The following TEAD1 variants were observed in gnomAD, a reference collection of about 807,000 sequenced individuals.
TEAD1 encodes the protein transcriptional enhancer factor TEF-1.
TEAD1 carries 9 observed loss-of-function variants against 54.9 expected under a neutral mutation model. The observed-to-expected ratio is 0.16, with a 90% CI of 0.10 to 0.29. The LOEUF (loss-of-function observed/expected upper bound fraction) is 0.29, where lower values mean the gene tolerates loss of function less well. Among genes scored for constraint, TEAD1 ranks in the 10% least tolerant of loss-of-function variants. The probability of loss-of-function intolerance (pLI) is 1.00; values close to 1 mark genes in which losing one functional copy is unlikely to be tolerated. For synonymous variants in TEAD1, 200 were observed against 187.8 expected, an observed-to-expected ratio of 1.07 and a Z score of -0.53; for missense variants, 387 against 535.9, an observed-to-expected ratio of 0.72 and a Z score of 2.74.
In TEAD1 at chr11:12,901,960, G is replaced by A. The variant is rs538146058; in HGVS notation, c.720G>A (p.Val240=). The change falls in exon 10 of 13, where the codon GTG becomes GTA. Residue 240 remains valine (V), a synonymous_variant. Coordinates refer to ENST00000527636, the MANE Select transcript of TEAD1 (RefSeq NM_021961.6). ...TACAGTACAACAAACACCTCTTCGT[G>A]CACATTGGGCATGCCAACCATTCTT... 2.5e-6 allele frequency: 4 copies of A among 1,614,182 alleles called. No individual in the cohort carries two copies. The South Asian group carries it at 4.4e-5, about 18-fold the overall frequency.
intron 3 of TEAD1, among the ~76,000 whole-genome samples, chr11:12,858,925 C>G (rs1270082209): frequency 6.6e-6 from 1 of 152,216 alleles, no homozygotes. Context: ...GCAAACCTGT[C>G]TGGTGTTAAC....
At chr11:12,882,543 G>C (rs547342937) in intron 8 of TEAD1, among the ~76,000 whole-genome samples, 13 of 152,128 alleles carry the variant, frequency 8.5e-5, no homozygotes, top group African/African-American at 1.2e-4. Flanking sequence ...ATGCTTTCAC[G>C]TATTGCCCTG....
At chr11:12,927,391 A>G (rs181077634) in intron 11 of TEAD1, among the ~76,000 whole-genome samples, 5 of 152,270 alleles carry the variant, frequency 3.3e-5, no homozygotes, top group African/African-American at 9.6e-5. Context: ...CCACTGTTCT[A>G]TTCCACCCAC....
chr11:12,763,964 C>T (rs561778119), intron 2 of TEAD1, among the ~76,000 whole-genome samples: 25 of 152,272 alleles, frequency 1.6e-4, no homozygotes, highest in African/African-American at 5.3e-4. Context: ...TCCATATTCT[C>T]CAGTAGGAGT....
intron 5 of TEAD1, among the ~76,000 whole-genome samples, chr11:12,869,680 T>A (rs2134079074): frequency 6.6e-6 from 1 of 152,312 alleles, no homozygotes; most frequent in Middle Eastern, 3.4e-3. Context: ...TATATAAGTT[T>A]TTTTTAATGA....
At chr11:12,746,563 G>A (rs764667589) in intron 2 of TEAD1, among the ~76,000 whole-genome samples, 2 of 152,200 alleles carry the variant, frequency 1.3e-5, no homozygotes, top group South Asian at 4.1e-4. Flanking sequence ...CTGTAGTGGC[G>A]GTATTGAGTG....
intron 2 of TEAD1, among the ~76,000 whole-genome samples, chr11:12,756,444 G>A (rs887082542): frequency 6.6e-6 from 1 of 152,106 alleles, no homozygotes; most frequent in East Asian, 1.9e-4. Context: ...TTTTTCTCAG[G>A]CCACTTGTTA....
At chr11:12,698,165 G>A (rs542184527) in intron 2 of TEAD1, among the ~76,000 whole-genome samples, 41 of 152,236 alleles carry the variant, frequency 2.7e-4, no homozygotes, top group African/African-American at 8.7e-4. Context: ...TTTTCAGTCG[G>A]GTAACTCTTT....
chr11:12,887,204 C>T (rs1589960493), intron 9 of TEAD1, among the ~76,000 whole-genome samples: 1 of 149,972 alleles, frequency 6.7e-6, no homozygotes, highest in Admixed American at 6.7e-5. Flanking sequence ...TCACTCCATT[C>T]TCCTGCCTCA....
At chr11:12,930,755 C>T (rs1236924201) in intron 12 of TEAD1, among the ~76,000 whole-genome samples, 4 of 152,246 alleles carry the variant, frequency 2.6e-5, no homozygotes, top group East Asian at 3.9e-4. Context: ...TTAGTCTCAG[C>T]AGCAACATGG....
At chr11:12,931,122 T>C (rs1949004782) in intron 12 of TEAD1, among the ~76,000 whole-genome samples, 1 of 152,018 alleles carries the variant, frequency 6.6e-6, no homozygotes, top group Admixed American at 6.6e-5. Context: ...CAAAACAAAC[T>C]TAATGGGCAG....
intron 2 of TEAD1, among the ~76,000 whole-genome samples, chr11:12,741,311 A>G: frequency 6.6e-6 from 1 of 151,974 alleles, no homozygotes; most frequent in African/African-American, 2.4e-5. Context: ...CTTTCTGCTC[A>G]TAATTTTTGT....
At chr11:12,822,989 A>G (rs538854318) in intron 3 of TEAD1, among the ~76,000 whole-genome samples, 1 of 152,300 alleles carries the variant, frequency 6.6e-6, no homozygotes, top group East Asian at 1.9e-4. Context: ...TCTCAAGACA[A>G]CATTTTTAGT....
intron 8 of TEAD1, among the ~76,000 whole-genome samples, chr11:12,882,182 G>A (rs952466632): frequency 1.2e-4 from 18 of 152,222 alleles, no homozygotes; most frequent in Non-Finnish European, 2.5e-4. Flanking sequence ...TAAGAAACAG[G>A]AAGCCTCCTC....
At chr11:12,707,326 C>G (rs1943839335) in intron 2 of TEAD1, among the ~76,000 whole-genome samples, 1 of 152,028 alleles carries the variant, frequency 6.6e-6, no homozygotes, top group Non-Finnish European at 1.5e-5. Context: ...CTGCCTGCCT[C>G]TATGTGTCAA....
At chr11:12,836,289 G>A (rs559352336) in intron 3 of TEAD1, among the ~76,000 whole-genome samples, 16 of 151,922 alleles carry the variant, frequency 1.1e-4, no homozygotes, top group Non-Finnish European at 1.8e-4. Context: ...GCGTGGTGGC[G>A]GGCGCCTGTA....
intron 3 of TEAD1, among the ~76,000 whole-genome samples, chr11:12,802,554 G>GA (rs1946080942): frequency 6.6e-6 from 1 of 152,196 alleles, no homozygotes; most frequent in African/African-American, 2.4e-5. Flanking sequence ...GAAAGTGCCT[G>GA]ACTGGTGGTG....
chr11:12,873,181 A>G (rs1947788812), intron 5 of TEAD1, among the ~76,000 whole-genome samples: 1 of 152,206 alleles, frequency 6.6e-6, no homozygotes, highest in African/African-American at 2.4e-5. Context: ...AAGAAATAGA[A>G]GAAGGACTCA....
At chr11:12,784,653 A>T (rs1945639061) in intron 3 of TEAD1, among the ~76,000 whole-genome samples, 1 of 152,196 alleles carries the variant, frequency 6.6e-6, no homozygotes, top group Non-Finnish European at 1.5e-5. Flanking sequence ...ATGGAAGCAG[A>T]TGATTTTCTT....
Sources: gnomAD v4.1 joint callset for allele counts (sites outside exome capture counted in the v4.1 genomes callset) on GRCh38, gnomAD v4.1.1 for gene constraint, MANE v1.5 for transcripts, NCBI Gene and HGNC (gene_info 2026-07-23, HGNC 2026-07-21) for gene names.